The following TTYH1 variants were observed in gnomAD, a reference collection of about 807,000 sequenced individuals.
TTYH1 encodes tweety family member 1, also known as protein tweety homolog 1.
A neutral mutation model predicts 61.2 loss-of-function variants in TTYH1; 33 were observed. The ratio of observed to expected loss-of-function variants is 0.54; its 90% confidence interval spans 0.41 to 0.72. The LOEUF (loss-of-function observed/expected upper bound fraction) is 0.72, where lower values mean the gene tolerates loss of function less well. TTYH1 is among the 30% of genes least tolerant of loss of function. The pLI, the probability that TTYH1 is intolerant of heterozygous loss-of-function variation, is 0.00. For missense variants in TTYH1, 538 were observed against 575.8 expected (o/e 0.93, Z 0.67); for synonymous variants, 308 against 266.4 (o/e 1.16, Z -1.52).
At position 54,416,733 on chromosome 19, in the gene TTYH1, T is replaced by C. The variant is rs1241508568; in HGVS notation, c.126+1055T>C. ...CAGCCCTGAGCAGCTCTTCCCCGCC[T>C]GCTCCTCGCCGCCCCCTCTCCCCAC... On this transcript the variant is annotated intron_variant, in intron 1 of 13. Transcript: ENST00000376530. The surrounding 1 kb of genome is among the most constrained non-coding windows in gnomAD (Gnocchi z 7.0). 35 of 1,289,292 alleles carry C rather than the reference T, an allele frequency of 2.7e-5. No individual in the cohort carries two copies. Among genetic ancestry groups the C allele is most frequent in the Non-Finnish European group, 5.1e-6 (5 of 987,572 alleles). The allele number at this position is 1,289,292 out of a possible 1,614,324, so 79.9% of individuals were successfully genotyped here. A position where few individuals can be genotyped will look rare whatever the true frequency, so the allele number is the denominator to read the frequency against.
chr19:54,432,282 C>T (rs2083458688), intron 10 of TTYH1: 1 of 152,244 alleles, frequency 6.6e-6, no homozygotes, highest in Admixed American at 6.5e-5. Context: ...ATGCCTTTCC[C>T]CGGCCAGTCT....
In TTYH1 at chr19:54,415,778, C is replaced by A; in HGVS notation, c.126+100C>A. On this transcript the variant is annotated intron_variant, in intron 1 of 13. Transcript: ENST00000376530. The surrounding 1 kb of genome is among the most constrained non-coding windows in gnomAD (Gnocchi z 5.2). ...GGGTCACAGATTTCCTGAGCTCCGC[C>A]GGAGGCTGGGGGCCGGCCCGGACTT... The A allele has an allele frequency of 7.8e-7, 1 of 1,286,398 alleles. No homozygotes were observed. The highest frequency in any genetic ancestry group is 1.0e-6 in the Non-Finnish European group (1 of 978,182). The allele number at this position is 1,286,398 out of a possible 1,614,324, so 79.7% of individuals were successfully genotyped here.
chr19:54,430,529 CCT>C lies in TTYH1; in HGVS notation c.884-17_884-16del. ...GGGGCCCAGGCTCATGGCCTCCTCCCCTCTCCTCCTCCCACTTCAGACATCCT... is the reference window on the plus strand; with the variant it reads ...GGGGCCCAGGCTCATGGCCTCCTCCCCTCCTCCTCCCACTTCAGACATCCT... On this transcript the variant is annotated intron_variant, in intron 7 of 13. Coordinates refer to ENST00000376530, the MANE Select transcript of TTYH1 (RefSeq NM_020659.4). 1.2e-6 allele frequency: 2 copies of C among 1,613,928 alleles called. No individual in the cohort carries two copies. The highest frequency in any genetic ancestry group is 1.1e-5 in the South Asian group (1 of 91,082).
At chr19:54,430,962 G>GGGC in intron 9 of TTYH1, 57 bp downstream of exon 9, 1 of 1,585,912 alleles carries the variant, frequency 6.3e-7, no homozygotes, top group Non-Finnish European at 8.6e-7. Context: ...CGGACGGGGC[G>GGGC]GGATGGAGCT....
At chr19:54,430,741 G>A in intron 8 of TTYH1, 72 bp from the exon 9 acceptor site, 1 of 1,586,374 alleles carries the variant, frequency 6.3e-7, no homozygotes, top group Non-Finnish European at 8.6e-7. Context: ...CGAGTGCTGT[G>A]TCCGGAGGAG....
rs1205773286 is a variant in TTYH1 at position 54,419,550 on chromosome 19, G to A, written c.305+244G>A. 4.3e-6 allele frequency: 3 copies of A among 695,416 alleles called. No homozygotes were observed. Among genetic ancestry groups the A allele is most frequent in the Non-Finnish European group, 7.9e-6 (3 of 381,776 alleles). 43.1% of individuals were successfully genotyped at this position (695,416 alleles called of 1,614,324 possible). A position where few individuals can be genotyped will look rare whatever the true frequency, so the allele number is the denominator to read the frequency against. ...ATCAAGGGCAGCCATCTGGTGAGAA[G>A]GCGCAGGGGCAGTCAGATGGCCTGG... On this transcript the variant is annotated intron_variant, in intron 2 of 13. Transcript: ENST00000376530. The surrounding 1 kb of genome is among the most constrained non-coding windows in gnomAD (Gnocchi z 6.1).
chr19:54,431,431 G>A, intron 10 of TTYH1: 1 of 497,114 alleles, frequency 2.0e-6, no homozygotes, highest in Non-Finnish European at 3.4e-6. Flanking sequence ...CCCAACTCCC[G>A]CACTCCCCGC....
At position 54,421,326 on chromosome 19, in the gene TTYH1, G is replaced by A; in HGVS notation, c.355G>A (p.Val119Met). The change falls in exon 3 of 14, where the codon GTG becomes ATG. Residue 119 changes from valine (V) to methionine (M), a missense_variant. Transcript: ENST00000376530. This position sits in a 1 kb window ranked among gnomAD's most constrained non-coding sequence, Gnocchi z 4.8. ...FYGNSETSDG[V>M]SQLSSALLHA... is the part of the protein sequence containing the mutation. ...TGGCAACAGTGAGACCAGTGATGGG[G>A]TGTCCCAGCTCAGCTCTGCGCTGCT... is the stretch of plus-strand genomic sequence containing the variant. 2 of 1,613,836 alleles carry A rather than the reference G, an allele frequency of 1.2e-6. No individual in the cohort carries two copies. The highest frequency in any genetic ancestry group is 1.7e-5 in the Admixed American group (1 of 60,000).
At chr19:54,423,974 A>T (rs938177146) in intron 4 of TTYH1, among the ~76,000 whole-genome samples, 1 of 152,106 alleles carries the variant, frequency 6.6e-6, no homozygotes, top group Non-Finnish European at 1.5e-5. Context: ...CATCCTGGCT[A>T]ACACGGTGAA....
At chr19:54,431,022 C>A (rs2122936401) in intron 9 of TTYH1, 77 bp from the exon 10 acceptor site, 1 of 810,870 alleles carries the variant, frequency 1.2e-6, no homozygotes, top group Non-Finnish European at 1.8e-6. Flanking sequence ...GGGTTGTGGG[C>A]GGGGACGCAG....
chr19:54,416,030 C>T lies in TTYH1; in HGVS notation c.126+352C>T. 2.3e-6 allele frequency: 3 copies of T among 1,322,350 alleles called. No homozygotes were observed. 81.9% of individuals were successfully genotyped at this position (1,322,350 alleles called of 1,614,324 possible). ...CGGGAGGGTAGGTCTACTCTTCCTG[C>T]CCTAAAAGATGACCCTGCCCCACAG... On this transcript the variant is annotated intron_variant, in intron 1 of 13. Coordinates refer to ENST00000376530, the MANE Select transcript of TTYH1 (RefSeq NM_020659.4). The surrounding 1 kb of genome is among the most constrained non-coding windows in gnomAD (Gnocchi z 7.0).
In TTYH1 at chr19:54,416,026, C is replaced by T. The variant is rs920467289; in HGVS notation, c.126+348C>T. 2.3e-6 allele frequency: 3 copies of T among 1,324,848 alleles called. No homozygotes were observed. The highest frequency in any genetic ancestry group is 3.0e-6 in the Non-Finnish European group (3 of 1,002,622). 82.1% of individuals were successfully genotyped at this position (1,324,848 alleles called of 1,614,324 possible). On this transcript the variant is annotated intron_variant, in intron 1 of 13. Transcript: ENST00000376530. The surrounding 1 kb of genome is among the most constrained non-coding windows in gnomAD (Gnocchi z 7.0). The stretch of plus-strand genomic sequence containing the variant: ...TCATCGGGAGGGTAGGTCTACTCTT[C>T]CTGCCCTAAAAGATGACCCTGCCCC...
At chr19:54,417,352 A>G (rs572918943) in intron 1 of TTYH1, among the ~76,000 whole-genome samples, 8 of 150,722 alleles carry the variant, frequency 5.3e-5, no homozygotes, top group Non-Finnish European at 8.9e-5. Context: ...TTCATTACAC[A>G]CATGCACACA....
At position 54,415,981 on chromosome 19, in the gene TTYH1, T is replaced by A; in HGVS notation, c.126+303T>A. On this transcript the variant is annotated intron_variant, in intron 1 of 13. Transcript: ENST00000376530. This position sits in a 1 kb window ranked among gnomAD's most constrained non-coding sequence, Gnocchi z 5.2. ...GATTCCCGGGTGTCTGATACCTGCC[T>A]GGGAAGCCGGCCTCCAGGGTCATCG... 2 of 1,294,616 alleles carry A rather than the reference T, an allele frequency of 1.5e-6. No homozygotes were observed. Among genetic ancestry groups the A allele is most frequent in the East Asian group, 4.2e-5 (1 of 23,666 alleles). The allele number at this position is 1,294,616 out of a possible 1,614,324, so 80.2% of individuals were successfully genotyped here.
Position 54,421,532 on chromosome 19 carries a change from C to T in TTYH1, c.417+144C>T, listed in dbSNP as rs1221003824. On this transcript the variant is annotated intron_variant, in intron 3 of 13. Transcript: ENST00000376530. This position sits in a 1 kb window ranked among gnomAD's most constrained non-coding sequence, Gnocchi z 4.8. ...ATTCAGAACTTCATCCTGAGACCCA[C>T]AGACCTCAGACTATCCACCCAACCC... The T allele has an allele frequency of 3.0e-6, 2 of 660,468 alleles. No homozygotes were observed. Among genetic ancestry groups the T allele is most frequent in the East Asian group, 5.4e-5 (2 of 36,796 alleles). 40.9% of individuals were successfully genotyped at this position (660,468 alleles called of 1,614,324 possible).
chr19:54,431,352 A>G (rs894129622), intron 10 of TTYH1, 161 bp downstream of exon 10: 1 of 600,852 alleles, frequency 1.7e-6, no homozygotes, highest in Non-Finnish European at 3.0e-6. Flanking sequence ...TTCTCTACCT[A>G]TTTATAACCT....
intron 4 of TTYH1, 37 bp downstream of exon 4, chr19:54,422,447 C>T (rs1023031300): frequency 2.7e-6 from 4 of 1,472,056 alleles, no homozygotes; most frequent in Non-Finnish European, 3.6e-6. Flanking sequence ...GTGCCGGCAG[C>T]TCTCAGGCGG....
Position 54,421,169 on chromosome 19 carries a change from T to C in TTYH1, c.306-108T>C. The C allele has an allele frequency of 1.5e-6, 1 of 687,522 alleles. No individual in the cohort carries two copies. The highest frequency in any genetic ancestry group is 2.6e-6 in the Non-Finnish European group (1 of 391,562). The allele number at this position is 687,522 out of a possible 1,614,324, so 42.6% of individuals were successfully genotyped here. A position where few individuals can be genotyped will look rare whatever the true frequency, so the allele number is the denominator to read the frequency against. On this transcript the variant is annotated intron_variant, in intron 2 of 13. Coordinates refer to ENST00000376530, the MANE Select transcript of TTYH1 (RefSeq NM_020659.4). The surrounding 1 kb of genome is among the most constrained non-coding windows in gnomAD (Gnocchi z 4.8). ...CTGGCCCAATGAGGTGGGGCTGAGA[T>C]GGGAGGGGTGGATAAGAAGGCGAGG...
chr19:54,435,990 G>T (rs999865473), intron 12 of TTYH1, 101 bp from the exon 13 acceptor site: 1 of 1,567,914 alleles, frequency 6.4e-7, no homozygotes, highest in Non-Finnish European at 8.8e-7. Context: ...GCTGGGGCCC[G>T]GACTCCTGGG....
Sources: gnomAD v4.1 joint callset for allele counts (sites outside exome capture counted in the v4.1 genomes callset) on GRCh38, gnomAD v4.1.1 for gene constraint, Gnocchi (gnomAD v3.1) non-coding constraint, MANE v1.5 for transcripts, NCBI Gene and HGNC (gene_info 2026-07-23, HGNC 2026-07-21) for gene names.